PROM1: variants seen among roughly 807,000 people sequenced by gnomAD.
PROM1 encodes prominin-1.
In PROM1, 105 loss-of-function variants were observed where a neutral mutation model predicts 116.9. The ratio of observed to expected loss-of-function variants is 0.90; its 90% CI spans 0.77 to 1.06. The LOEUF (loss-of-function observed/expected upper bound fraction) is 1.06, where lower values mean the gene tolerates loss of function less well. PROM1 is among the 50% of genes least tolerant of loss of function. The pLI is 0.00. For missense variants in PROM1, 1,122 were observed against 1,045.2 expected, an observed-to-expected ratio of 1.07 and a Z score of -1.01; for synonymous variants, 393 against 387.0, an observed-to-expected ratio of 1.02 and a Z score of -0.18.
intron 13 of PROM1, among the ~76,000 whole-genome samples, chr4:16,006,316 T>G (rs1271818546): frequency 6.7e-6 from 1 of 150,312 alleles, no homozygotes; most frequent in Non-Finnish European, 1.5e-5. Context: ...TAATTTAGTG[T>G]TGTTGTTGTT....
At chr4:16,038,856 A>G in intron 3 of PROM1, 90 bp downstream of exon 3, 2 of 1,275,258 alleles carry the variant, frequency 1.6e-6, no homozygotes, top group Non-Finnish European at 2.1e-6. Context: ...CAGATTGAAT[A>G]ACTGGTTATT....
intron 2 of PROM1, among the ~76,000 whole-genome samples, chr4:16,052,431 A>G (rs755831843): frequency 6.6e-6 from 1 of 152,192 alleles, no homozygotes; most frequent in Non-Finnish European, 1.5e-5. Context: ...TAATAAATGG[A>G]AAAGAAGTGA....
chr4:16,037,052 A>G (rs1470369645), intron 3 of PROM1, among the ~76,000 whole-genome samples: 1 of 152,094 alleles, frequency 6.6e-6, no homozygotes, highest in Non-Finnish European at 1.5e-5. Flanking sequence ...GTCAAGCACA[A>G]AGACCCTGCC....
At chr4:15,992,974 G>T (rs575698443) in intron 16 of PROM1, among the ~76,000 whole-genome samples, 1 of 152,316 alleles carries the variant, frequency 6.6e-6, no homozygotes, top group South Asian at 2.1e-4. Context: ...GTGCCTGCAC[G>T]TCCCAGGCAA....
intron 2 of PROM1, among the ~76,000 whole-genome samples, chr4:16,051,235 G>C (rs1737821069): frequency 6.6e-6 from 1 of 152,186 alleles, no homozygotes; most frequent in African/African-American, 2.4e-5. Context: ...CAAGTAACTG[G>C]CACTGCTTAA....
intron 27 of PROM1, among the ~76,000 whole-genome samples, chr4:15,970,246 A>T (rs1489776059): frequency 6.8e-6 from 1 of 147,812 alleles, no homozygotes; most frequent in Non-Finnish European, 1.5e-5. Context: ...GCTCACTGCA[A>T]CCTCTGCCTC....
chr4:16,035,694 G>C, intron 4 of PROM1, 41 bp downstream of exon 4: 1 of 1,570,632 alleles, frequency 6.4e-7, no homozygotes, highest in Non-Finnish European at 8.8e-7. Context: ...GAACAGAAAG[G>C]CTTTCCAAGA....
chr4:16,005,956 G>T (rs75498087), intron 13 of PROM1, among the ~76,000 whole-genome samples: 1 of 152,216 alleles, frequency 6.6e-6, no homozygotes, highest in Non-Finnish European at 1.5e-5. Flanking sequence ...GGAGGTCAAT[G>T]TCTTTGAAGC....
chr4:15,988,099 A>G (rs1719952958), intron 19 of PROM1, among the ~76,000 whole-genome samples: 1 of 152,044 alleles, frequency 6.6e-6, no homozygotes, highest in Non-Finnish European at 1.5e-5. Flanking sequence ...GATGGTCTCG[A>G]TCTCCTGACC....
chr4:16,045,346 T>A (rs74501824), intron 2 of PROM1, among the ~76,000 whole-genome samples: 2,941 of 152,120 alleles, frequency 0.019, 97 homozygotes, highest in African/African-American at 0.068. Flanking sequence ...ATACAGAGGA[T>A]CCAGTGGAGA....
chr4:16,015,345 C>CA (rs71649934), intron 10 of PROM1, among the ~76,000 whole-genome samples: 16,637 of 51,364 alleles, frequency 0.32, 3,912 homozygotes, highest in African/African-American at 0.61. Context: ...GACTCCATCT[C>CA]AAAAAAAAAA....
At chr4:16,044,161 A>G (rs764403926) in intron 2 of PROM1, among the ~76,000 whole-genome samples, 1 of 152,228 alleles carries the variant, frequency 6.6e-6, no homozygotes, top group Non-Finnish European at 1.5e-5. Context: ...ATATATTATA[A>G]CAGATCCGTC....
chr4:15,973,505 C>T (rs1025914531), intron 26 of PROM1, among the ~76,000 whole-genome samples: 1 of 152,144 alleles, frequency 6.6e-6, no homozygotes, highest in African/African-American at 2.4e-5. Context: ...CATCTACAGC[C>T]GAACTAGCAA....
rs1713666024 is a variant in PROM1, at chr4:15,968,747, A to G, written c.*646T>C. The G allele has an allele frequency of 6.6e-6, 1 of 152,210 alleles. No homozygotes were observed. The highest frequency in any genetic ancestry group is 2.4e-5 in the African/African-American group (1 of 41,464). The allele number at this position is 152,210 out of a possible 1,614,324, so 9.4% of individuals were successfully genotyped here. On this transcript the variant is annotated 3_prime_UTR_variant, in exon 28 of 28. Coordinates refer to ENST00000447510, the MANE Select transcript of PROM1 (RefSeq NM_006017.3). ...TGATTGCTTTTGCATGCCATTTCCA[A>G]GTGGAACATGGCCAATCTTTGATAA...
At chr4:16,020,409 G>A (rs1729546650) in intron 8 of PROM1, among the ~76,000 whole-genome samples, 1 of 152,144 alleles carries the variant, frequency 6.6e-6, no homozygotes, top group Non-Finnish European at 1.5e-5. Flanking sequence ...TATTGTCGGT[G>A]AAGCATGAAG....
rs1395630784 is a variant in PROM1, at chr4:15,985,723, G to A, written c.2280+37C>T. ...CTAGAAAATGGCTATCCTGAAACTT[G>A]ACCCCCCTTAACATTCATAAAAGAT... On this transcript the variant is annotated intron_variant, in intron 22 of 27. Coordinates refer to ENST00000447510, the MANE Select transcript of PROM1 (RefSeq NM_006017.3). 2.9e-6 allele frequency: 4 copies of A among 1,365,892 alleles called. No homozygotes were observed. In the South Asian group the frequency reaches 5.0e-5, roughly 17 times the overall value. The allele number at this position is 1,365,892 out of a possible 1,614,324, so 84.6% of individuals were successfully genotyped here. A position where few individuals can be genotyped will look rare whatever the true frequency, so the allele number is the denominator to read the frequency against.
chr4:16,001,336 T>C (rs1476062292), intron 13 of PROM1, among the ~76,000 whole-genome samples: 2 of 152,104 alleles, frequency 1.3e-5, no homozygotes, highest in South Asian at 2.1e-4. Flanking sequence ...ATGGAAAGAC[T>C]GTGTAGGAGT....
intron 27 of PROM1, among the ~76,000 whole-genome samples, chr4:15,969,573 T>C (rs1483879398): frequency 6.6e-6 from 1 of 152,152 alleles, no homozygotes; most frequent in African/African-American, 2.4e-5. Context: ...TGGTTTTTGT[T>C]TATTTATCTT....
intron 26 of PROM1, 138 bp downstream of exon 26, chr4:15,979,257 G>C: frequency 7.4e-7 from 1 of 1,359,664 alleles, no homozygotes; most frequent in Admixed American, 2.3e-5. Flanking sequence ...TGTAGAGCAT[G>C]ATTGGAGACT....
Sources: gnomAD v4.1 joint callset for allele counts (sites outside exome capture counted in the v4.1 genomes callset) on GRCh38, gnomAD v4.1.1 for gene constraint, MANE v1.5 for transcripts, NCBI Gene and HGNC (gene_info 2026-07-23, HGNC 2026-07-21) for gene names.